The following SLC44A1 variants were observed in gnomAD, a reference collection of about 807,000 sequenced individuals.
The protein encoded by SLC44A1 is choline transporter-like protein 1.
In SLC44A1, 26 loss-of-function variants were observed where a neutral mutation model predicts 79.3. The ratio of observed to expected loss-of-function variants is 0.33; its 90% CI spans 0.24 to 0.46. SLC44A1 has a LOEUF of 0.46. Ranked by LOEUF, SLC44A1 falls within the 20% of genes least tolerant of loss-of-function variation. The probability of loss-of-function intolerance (pLI) is 1.00; values close to 1 mark genes in which losing one functional copy is unlikely to be tolerated. For missense variants in SLC44A1, 688 were observed against 798.1 expected (o/e 0.86, Z 1.66); for synonymous variants, 263 against 286.2 (o/e 0.92, Z 0.82).
intron 13 of SLC44A1, among the ~76,000 whole-genome samples, chr9:105,381,806 A>G (rs1308879928): frequency 6.6e-6 from 1 of 152,176 alleles, no homozygotes; most frequent in Admixed American, 6.5e-5. Context: ...TAACCAATGT[A>G]TCATCTAATG....
chr9:105,361,389 A>C, intron 8 of SLC44A1, 59 bp downstream of exon 8: 2 of 1,471,490 alleles, frequency 1.4e-6, no homozygotes, highest in Non-Finnish European at 1.8e-6. Flanking sequence ...GGAGATCATT[A>C]ATGGAGCAGA....
At chr9:105,414,394 G>C (rs7028216) in intron 15 of SLC44A1, among the ~76,000 whole-genome samples, 7,183 of 152,186 alleles carry the variant, frequency 0.047, 545 homozygotes, top group African/African-American at 0.16. Flanking sequence ...CATTTGGATC[G>C]ATGATTTTCA....
At position 105,391,641 on chromosome 9, in the gene SLC44A1, T is replaced by C. The variant is rs567484094; in HGVS notation, c.*2585T>C. The C allele has an allele frequency of 1.0e-6, 1 of 985,274 alleles. No individual in the cohort carries two copies. Among genetic ancestry groups the C allele is most frequent in the Non-Finnish European group, 1.2e-6 (1 of 829,902 alleles). The allele number at this position is 985,274 out of a possible 1,614,324, so 61.0% of individuals were successfully genotyped here. A position where few individuals can be genotyped will look rare whatever the true frequency, so the allele number is the denominator to read the frequency against. On this transcript the variant is annotated 3_prime_UTR_variant, in exon 16 of 16. Coordinates refer to ENST00000374720, the MANE Select transcript of SLC44A1 (RefSeq NM_080546.5). Reference sequence around the variant, plus strand: ...TAAGCAATATTTAAATGTGTTGAGGTTATGTTTGGATATTCCTGCTGCCTC... The same window carrying C: ...TAAGCAATATTTAAATGTGTTGAGGCTATGTTTGGATATTCCTGCTGCCTC...
intron 15 of SLC44A1, chr9:105,386,353 A>T (rs1828625677): frequency 1.1e-6 from 1 of 946,272 alleles, no homozygotes; most frequent in Non-Finnish European, 1.3e-6. Context: ...ATTTTCAAAT[A>T]TTATATAATT....
chr9:105,296,138 A>G (rs1322001314), intron 1 of SLC44A1, among the ~76,000 whole-genome samples: 2 of 152,206 alleles, frequency 1.3e-5, no homozygotes, highest in African/African-American at 4.8e-5. Context: ...CCAAGAATTG[A>G]GTGCATGCTG....
chr9:105,408,386 T>G (rs966295158), intron 15 of SLC44A1, among the ~76,000 whole-genome samples: 6 of 150,352 alleles, frequency 4.0e-5, no homozygotes, highest in African/African-American at 1.5e-4. Context: ...TTATTGTATT[T>G]TTTGTTTGTC....
At chr9:105,327,469 G>A (rs1826616366) in intron 3 of SLC44A1, among the ~76,000 whole-genome samples, 1 of 152,088 alleles carries the variant, frequency 6.6e-6, no homozygotes, top group African/African-American at 2.4e-5. Flanking sequence ...TTTTAGTAGA[G>A]ACAGGGTTTC....
At chr9:105,377,624 G>A (rs1029279048) in intron 13 of SLC44A1, among the ~76,000 whole-genome samples, 3 of 151,626 alleles carry the variant, frequency 2.0e-5, no homozygotes, top group East Asian at 1.9e-4. Context: ...TTAGCCGGGC[G>A]TGGTGGCGAG....
At position 105,397,034 on chromosome 9, in the gene SLC44A1, A is replaced by G; in HGVS notation, c.*7978A>G. 1.0e-6 allele frequency: 1 copy of G among 985,144 alleles called. No homozygotes were observed. The highest frequency in any genetic ancestry group is 1.2e-6 in the Non-Finnish European group (1 of 829,710). 61.0% of individuals were successfully genotyped at this position (985,144 alleles called of 1,614,324 possible). A position where few individuals can be genotyped will look rare whatever the true frequency, so the allele number is the denominator to read the frequency against. ...AGATGGAGCATTATGCTCTCAGAGG[A>G]CTTTAAAAATATGTATATTAAGCAA... On this transcript the variant is annotated 3_prime_UTR_variant, in exon 16 of 16. Coordinates refer to ENST00000374720, the MANE Select transcript of SLC44A1 (RefSeq NM_080546.5).
At chr9:105,282,816 G>A (rs968457125) in intron 1 of SLC44A1, among the ~76,000 whole-genome samples, 2 of 152,166 alleles carry the variant, frequency 1.3e-5, no homozygotes, top group Admixed American at 6.5e-5. Flanking sequence ...AAAGTGCTGG[G>A]ATTACAGGCG....
At chr9:105,246,547 A>G (rs1829456765) in intron 1 of SLC44A1, among the ~76,000 whole-genome samples, 1 of 152,158 alleles carries the variant, frequency 6.6e-6, no homozygotes, top group Non-Finnish European at 1.5e-5. Context: ...TTTTCATATT[A>G]ACATATAAAG....
intron 1 of SLC44A1, among the ~76,000 whole-genome samples, chr9:105,286,738 G>A (rs1173702770): frequency 6.6e-6 from 1 of 152,122 alleles, no homozygotes; most frequent in Admixed American, 6.5e-5. Context: ...CAGGGCAGGA[G>A]GATCACTTAA....
downstream of SLC44A1, among the ~76,000 whole-genome samples, chr9:105,399,551 T>C (rs1249945052): frequency 2.6e-5 from 4 of 152,152 alleles, no homozygotes; most frequent in Non-Finnish European, 4.4e-5. Context: ...GGAGATTAGC[T>C]ATGTAAGAAT....
At chr9:105,351,566 G>GAGAA (rs1225695962) in intron 5 of SLC44A1, among the ~76,000 whole-genome samples, 4 of 113,978 alleles carry the variant, frequency 3.5e-5, no homozygotes, top group African/African-American at 7.3e-5. Context: ...GAGAGAAAGA[G>GAGAA]AGAAAGAGAG....
At chr9:105,299,856 G>A in intron 2 of SLC44A1, 1 of 986,462 alleles carries the variant, frequency 1.0e-6, no homozygotes. Context: ...TGTAATGAGT[G>A]GCATCTTTCA....
chr9:105,411,806 T>C (rs1343526959), intron 15 of SLC44A1, among the ~76,000 whole-genome samples: 1 of 152,220 alleles, frequency 6.6e-6, no homozygotes, highest in African/African-American at 2.4e-5. Flanking sequence ...TGTGTCCTTC[T>C]CAGTGCATCA....
Position 105,322,032 on chromosome 9 carries a change from C to T in SLC44A1, c.269+12166C>T, listed in dbSNP as rs561939399. Among the ~76,000 whole-genome samples, 238 of 151,890 alleles carry T rather than the reference C, an allele frequency of 1.6e-3. 2 individuals are homozygous for T. Among genetic ancestry groups the T allele is most frequent in the South Asian group, 5.4e-3 (26 of 4,818 alleles). ...ATGTTTTTAAATTGTTTCTCATTCA[C>T]AAAATAATTTGAAAGGATTAGAAGT... is the stretch of plus-strand genomic sequence containing the variant. On this transcript the variant is annotated intron_variant, in intron 3 of 15. Transcript: ENST00000374720.
intron 15 of SLC44A1, among the ~76,000 whole-genome samples, chr9:105,414,044 T>G (rs1175181632): frequency 6.8e-6 from 1 of 147,390 alleles, no homozygotes; most frequent in African/African-American, 2.6e-5. Flanking sequence ...GGACAGTTAG[T>G]GTTTGGTTTT....
At position 105,321,378 on chromosome 9, in the gene SLC44A1, G is replaced by A. The variant is rs145907260; in HGVS notation, c.269+11512G>A. Among the ~76,000 whole-genome samples, 206 of 152,176 alleles carry A rather than the reference G, an allele frequency of 1.4e-3. 2 individuals carry two copies. The highest frequency in any genetic ancestry group is 4.6e-3 in the African/African-American group (193 of 41,542). ...TTTGTCAAAAATAGATTTTGTTATA[G>A]GTTTGATGGCATGAAAGGAGGCTGA... On this transcript the variant is annotated intron_variant, in intron 3 of 15. Transcript: ENST00000374720.
Sources: allele counts gnomAD v4.1 joint callset (sites outside exome capture counted in the v4.1 genomes callset), GRCh38; gene constraint gnomAD v4.1.1; transcripts MANE v1.5; gene names NCBI Gene and HGNC (gene_info 2026-07-23, HGNC 2026-07-21).